Variants in KLHL29 observed in about 807,000 individuals in gnomAD.
The protein encoded by KLHL29 is kelch like family member 29.
Under a neutral mutation model 80.4 loss-of-function variants are expected in KLHL29, and 21 were observed. The observed-to-expected ratio is 0.26, with a 90% confidence interval of 0.19 to 0.38. The LOEUF (loss-of-function observed/expected upper bound fraction) is 0.38, where lower values mean the gene tolerates loss of function less well. Ranked by LOEUF, KLHL29 falls within the 10% of genes least tolerant of loss-of-function variation. The pLI is 1.00. For synonymous variants in KLHL29, 511 were observed against 526.8 expected (o/e 0.97, Z 0.41); for missense variants, 867 against 1,223.9 (o/e 0.71, Z 4.35).
chr2:23,639,416 G>A, intron 4 of KLHL29, 136 bp downstream of exon 4: 1 of 791,210 alleles, frequency 1.3e-6, no homozygotes, highest in South Asian at 1.9e-5. Context: ...CAGGTTCAGG[G>A]GGCAAAGGCA....
At chr2:23,463,966 CTA>C (rs1664282836) in intron 1 of KLHL29, among the ~76,000 whole-genome samples, 1 of 152,174 alleles carries the variant, frequency 6.6e-6, no homozygotes, top group African/African-American at 2.4e-5. Context: ...CTGGATCACA[CTA>C]TGTATTGTGC....
intron 2 of KLHL29, among the ~76,000 whole-genome samples, chr2:23,551,635 A>G (rs1354712912): frequency 6.6e-6 from 1 of 152,214 alleles, no homozygotes; most frequent in Non-Finnish European, 1.5e-5. Context: ...CTTTTTCCAA[A>G]TATATATCTG....
At chr2:23,652,685 T>G (rs998827654) in intron 5 of KLHL29, among the ~76,000 whole-genome samples, 3 of 152,212 alleles carry the variant, frequency 2.0e-5, no homozygotes, top group Admixed American at 6.5e-5. Context: ...CTGCAGATAT[T>G]CTAACTTTTC....
At chr2:23,469,653 A>G (rs888134073) in intron 1 of KLHL29, among the ~76,000 whole-genome samples, 4 of 152,180 alleles carry the variant, frequency 2.6e-5, no homozygotes, top group Admixed American at 6.5e-5. Context: ...TATGGTGTGA[A>G]CATCTTCCAG....
chr2:23,603,080 C>CCT (rs1668612814), intron 3 of KLHL29, among the ~76,000 whole-genome samples: 1 of 152,182 alleles, frequency 6.6e-6, no homozygotes, highest in Non-Finnish European at 1.5e-5. Context: ...CAGGACAATG[C>CCT]CTCTCTTCAG....
At chr2:23,480,862 C>G (rs1336717425) in intron 2 of KLHL29, among the ~76,000 whole-genome samples, 1 of 152,190 alleles carries the variant, frequency 6.6e-6, no homozygotes, top group Non-Finnish European at 1.5e-5. Flanking sequence ...ACAGTGCACC[C>G]TCGTTTAGGA....
chr2:23,478,699 G>A (rs62125384), intron 2 of KLHL29, among the ~76,000 whole-genome samples: 7,730 of 152,216 alleles, frequency 0.051, 234 homozygotes, highest in African/African-American at 0.075. Context: ...GGGCAGTGCT[G>A]ATCGTCACTG....
At chr2:23,652,582 C>G (rs1337238111) in intron 5 of KLHL29, among the ~76,000 whole-genome samples, 1 of 152,182 alleles carries the variant, frequency 6.6e-6, no homozygotes, top group Non-Finnish European at 1.5e-5. Flanking sequence ...TGGTCATGCT[C>G]CAGCCTGTCA....
At chr2:23,701,505 G>A (rs1268544462) in intron 11 of KLHL29, among the ~76,000 whole-genome samples, 1 of 152,188 alleles carries the variant, frequency 6.6e-6, no homozygotes, top group African/African-American at 2.4e-5. Context: ...TTAAGCTCAG[G>A]AGTTCGAGAC....
chr2:23,499,296 C>G (rs942480710), intron 2 of KLHL29, among the ~76,000 whole-genome samples: 1 of 152,116 alleles, frequency 6.6e-6, no homozygotes, highest in Admixed American at 6.5e-5. Context: ...GCAGCCCTAC[C>G]TCTCCCTTCT....
At chr2:23,531,995 C>T (rs969424136) in intron 2 of KLHL29, among the ~76,000 whole-genome samples, 2 of 152,200 alleles carry the variant, frequency 1.3e-5, no homozygotes, top group Admixed American at 6.5e-5. Context: ...CTCAACGGGA[C>T]GACCAAGGCC....
chr2:23,402,148 C>T (rs757486912), intron 1 of KLHL29, among the ~76,000 whole-genome samples: 2 of 152,088 alleles, frequency 1.3e-5, no homozygotes, highest in African/African-American at 4.8e-5. Flanking sequence ...GCATCGAGGA[C>T]CGGCAGGAGG....
intron 3 of KLHL29, among the ~76,000 whole-genome samples, chr2:23,630,113 G>T: frequency 6.6e-6 from 1 of 152,238 alleles, no homozygotes; most frequent in Non-Finnish European, 1.5e-5. Flanking sequence ...TTCATTTAAA[G>T]GGGGTGGTTT....
chr2:23,511,655 C>T (rs1665775183), intron 2 of KLHL29, among the ~76,000 whole-genome samples: 1 of 152,226 alleles, frequency 6.6e-6, no homozygotes, highest in East Asian at 1.9e-4. Context: ...TTGTCTTTAT[C>T]AAAACACAAA....
At chr2:23,652,891 T>C (rs990529209) in intron 5 of KLHL29, among the ~76,000 whole-genome samples, 2 of 152,210 alleles carry the variant, frequency 1.3e-5, no homozygotes, top group African/African-American at 4.8e-5. Context: ...TTCCTTTTTG[T>C]AGACACCCCC....
chr2:23,465,432 G>A (rs1424444049), intron 1 of KLHL29, among the ~76,000 whole-genome samples: 3 of 152,188 alleles, frequency 2.0e-5, no homozygotes, highest in Non-Finnish European at 2.9e-5. Context: ...CATTCATACT[G>A]CAGAAACAGC....
rs1029180553 is a variant in KLHL29, at chr2:23,521,000, C to CA, written c.-45-41152_-45-41151insA. Among the ~76,000 whole-genome samples, 35 of 151,708 alleles carry CA rather than the reference C, an allele frequency of 2.3e-4. 1 individual carries two copies. Among genetic ancestry groups the CA allele is most frequent in the African/African-American group, 7.5e-4 (31 of 41,094 alleles). On this transcript the variant is annotated intron_variant, in intron 2 of 13. Coordinates refer to ENST00000486442, the MANE Select transcript of KLHL29 (RefSeq NM_052920.2). Reference sequence around the variant, plus strand: ...TTCATTTTACAAAGACCACCCCCCCCCCCGCTCCCCCTCAGGGGTGTTTCC... The same window carrying CA: ...TTCATTTTACAAAGACCACCCCCCCCACCCGCTCCCCCTCAGGGGTGTTTCC...
At chr2:23,571,773 A>G (rs1247051044) in intron 3 of KLHL29, among the ~76,000 whole-genome samples, 1 of 152,202 alleles carries the variant, frequency 6.6e-6, no homozygotes, top group Non-Finnish European at 1.5e-5. Context: ...AGAAAACAAG[A>G]GAGTTCCAGA....
chr2:23,583,157 C>T (rs537158068), intron 3 of KLHL29, among the ~76,000 whole-genome samples: 72 of 152,298 alleles, frequency 4.7e-4, no homozygotes, highest in Admixed American at 3.5e-3. Flanking sequence ...CTTCAGACTT[C>T]GGACCTCCCA....
Sources: allele counts gnomAD v4.1 joint callset (sites outside exome capture counted in the v4.1 genomes callset), GRCh38; gene constraint gnomAD v4.1.1; transcripts MANE v1.5; gene names NCBI Gene and HGNC (gene_info 2026-07-23, HGNC 2026-07-21).